Variants in TGFBR2 observed in about 807,000 individuals in gnomAD.
The protein encoded by TGFBR2 is transforming growth factor beta receptor 2.
TGFBR2 carries 18 observed loss-of-function variants against 49.0 expected under a neutral mutation model. The ratio of observed to expected loss-of-function variants is 0.37; its 90% confidence interval spans 0.25 to 0.54. TGFBR2 has a LOEUF of 0.54. Ranked by LOEUF, TGFBR2 falls within the 20% of genes least tolerant of loss-of-function variation. TGFBR2 has a pLI of 0.85. For synonymous variants in TGFBR2, 282 were observed against 275.9 expected (o/e 1.02, Z -0.22); for missense variants, 525 against 722.6 (o/e 0.73, Z 3.13).
intron 3 of TGFBR2, among the ~76,000 whole-genome samples, chr3:30,653,811 A>G (rs1443387699): frequency 2.0e-5 from 3 of 152,230 alleles, no homozygotes; most frequent in Non-Finnish European, 4.4e-5. Flanking sequence ...ATATTCAGAG[A>G]AAACATACTG....
chr3:30,608,582 C>T (rs1433811335), intron 1 of TGFBR2, among the ~76,000 whole-genome samples: 1 of 152,074 alleles, frequency 6.6e-6, no homozygotes, highest in East Asian at 1.9e-4. Context: ...AGAAAAAATG[C>T]GCATCACGGT....
Position 30,650,355 on chromosome 3 carries a change from G to T in TGFBR2, c.349G>T (p.Ala117Ser). The change falls in exon 3 of 7, where the codon GCT becomes TCT. Residue 117 changes from alanine (A) to serine (S), a missense_variant. Ala to Ser is a moderately conservative substitution (Grantham distance 99). Transcript: ENST00000295754. The stretch of plus-strand genomic sequence containing the variant: ...CCATGACTTTATTCTGGAAGATGCT[G>T]CTTCTCCAAAGTGCATTATGAAGGA... ...PYHDFILEDAASPKCIMKEKK... is the reference protein window; with the variant it reads ...PYHDFILEDASSPKCIMKEKK... 6.2e-7 allele frequency: 1 copy of T among 1,613,932 alleles called. No individual in the cohort carries two copies. Among genetic ancestry groups the T allele is most frequent in the South Asian group, 1.1e-5 (1 of 91,084 alleles).
In TGFBR2 at chr3:30,685,935, AATCCT is replaced by A. The variant is rs201483695; in HGVS notation, c.1397-2443_1397-2439del. Among the ~76,000 whole-genome samples the A allele has an allele frequency of 3.1e-3, 474 of 152,322 alleles. 6 individuals are homozygous for A. Among genetic ancestry groups the A allele is most frequent in the Admixed American group, 0.025 (382 of 15,304 alleles). On this transcript the variant is annotated intron_variant, in intron 5 of 6. Coordinates refer to ENST00000295754, the MANE Select transcript of TGFBR2 (RefSeq NM_003242.6). ...TAAGGAACAATTTATATCATATACA[AATCCT>A]ATCCTTTACTATTATATGGTAGTAC...
chr3:30,674,659 A>G (rs1214953372), intron 5 of TGFBR2, among the ~76,000 whole-genome samples: 1 of 152,166 alleles, frequency 6.6e-6, no homozygotes, highest in Non-Finnish European at 1.5e-5. Context: ...AAAAGATTTG[A>G]TTCAAAATTT....
intron 1 of TGFBR2, among the ~76,000 whole-genome samples, chr3:30,608,286 G>C (rs1349368878): frequency 6.6e-6 from 1 of 152,174 alleles, no homozygotes; most frequent in Non-Finnish European, 1.5e-5. Flanking sequence ...ATCTGCAGCT[G>C]TGGTCTGGGT....
chr3:30,625,337 T>G (rs1050139354), intron 1 of TGFBR2, among the ~76,000 whole-genome samples: 4 of 152,220 alleles, frequency 2.6e-5, no homozygotes, highest in African/African-American at 9.6e-5. Context: ...AAGGGAAGGC[T>G]ATCCACAACT....
rs1181407637 is a variant in TGFBR2 at position 30,630,668 on chromosome 3, C to T, written c.95-14079C>T. Among the ~76,000 whole-genome samples, 12 of 152,244 alleles carry T rather than the reference C, an allele frequency of 7.9e-5. No homozygotes were observed. The East Asian group carries it at 2.1e-3, about 27-fold the overall frequency. On this transcript the variant is annotated intron_variant, in intron 1 of 6. Transcript: ENST00000295754. ...CCAAAATTTATGTTGAAACTTAATC[C>T]CCATTGTGGTGGTATCAAGAGACGG...
chr3:30,616,470 C>T (rs997974973), intron 1 of TGFBR2, among the ~76,000 whole-genome samples: 9 of 152,190 alleles, frequency 5.9e-5, no homozygotes, highest in African/African-American at 1.9e-4. Context: ...TAGGAGACAG[C>T]TGGTAAAGAC....
At position 30,667,238 on chromosome 3, in the gene TGFBR2, GT is replaced by G. The variant is rs751247134; in HGVS notation, c.455-4397del. On this transcript the variant is annotated intron_variant, in intron 3 of 6. Coordinates refer to ENST00000295754, the MANE Select transcript of TGFBR2 (RefSeq NM_003242.6). The stretch of plus-strand genomic sequence containing the variant: ...AACTTAGTAAGTGTTCAGTTTATGA[GT>G]TTCTCTGTAACTGGCGGCTGATGAA... 4.6e-5 allele frequency among the ~76,000 whole-genome samples: 7 copies of G among 152,318 alleles called. No homozygotes were observed. The South Asian group carries it at 6.2e-4, about 14-fold the overall frequency.
At chr3:30,661,270 A>G (rs1699122499) in intron 3 of TGFBR2, among the ~76,000 whole-genome samples, 1 of 150,584 alleles carries the variant, frequency 6.6e-6, no homozygotes, top group Non-Finnish European at 1.5e-5. Flanking sequence ...ATCTTGTTCC[A>G]AAGAACATAT....
intron 3 of TGFBR2, among the ~76,000 whole-genome samples, chr3:30,662,306 A>T (rs2372093): frequency 0.2 from 29,823 of 152,106 alleles, 3,118 homozygotes; most frequent in East Asian, 0.36. Context: ...CAGAGGTTTC[A>T]CCTCTACCTC....
chr3:30,649,927 C>CT lies in TGFBR2; in HGVS notation c.264-336dup, dbSNP rs532852915. 2.9e-3 allele frequency among the ~76,000 whole-genome samples: 446 copies of CT among 152,220 alleles called. 3 individuals are homozygous for CT. The highest frequency in any genetic ancestry group is 0.01 in the African/African-American group (429 of 41,530). On this transcript the variant is annotated intron_variant, in intron 2 of 6. Transcript: ENST00000295754. ...ATTATCCTGAGTACCTAGGAATGTT[C>CT]TTTTTTTCCATGTCTTCCCCTTTAA... is the stretch of plus-strand genomic sequence containing the variant.
Position 30,676,462 on chromosome 3 carries a change from A to G in TGFBR2, c.1396+2216A>G, listed in dbSNP as rs774116119. Among the ~76,000 whole-genome samples, 8 of 152,262 alleles carry G rather than the reference A, an allele frequency of 5.3e-5. No individual in the cohort carries two copies. In the South Asian group the frequency reaches 8.3e-4, roughly 16 times the overall value. On this transcript the variant is annotated intron_variant, in intron 5 of 6. Transcript: ENST00000295754. The surrounding 1 kb of genome is among the most constrained non-coding windows in gnomAD (Gnocchi z 4.3). ...ATTAATATGCATTCTCCTTTAAAAA[A>G]GATCTGTCTCTTCTGACACCATCCC...
chr3:30,613,081 G>A (rs1029217410), intron 1 of TGFBR2, among the ~76,000 whole-genome samples: 2 of 150,792 alleles, frequency 1.3e-5, no homozygotes, highest in African/African-American at 4.9e-5. Context: ...TTCAGGGCCC[G>A]TACCTATGAC....
chr3:30,649,471 C>T (rs1698840724), intron 2 of TGFBR2, among the ~76,000 whole-genome samples: 1 of 152,128 alleles, frequency 6.6e-6, no homozygotes, highest in Admixed American at 6.6e-5. Context: ...ATTCTCTGAG[C>T]CCTGGGCTAA....
At chr3:30,629,008 C>T (rs1698388857) in intron 1 of TGFBR2, among the ~76,000 whole-genome samples, 1 of 152,142 alleles carries the variant, frequency 6.6e-6, no homozygotes, top group Non-Finnish European at 1.5e-5. Context: ...GGGCCCTTTC[C>T]AATGCGATTA....
Position 30,671,803 on chromosome 3 carries a change from G to A in TGFBR2, c.620G>A (p.Arg207Gln), listed in dbSNP as rs371209879. The A allele has an allele frequency of 6.0e-5, 97 of 1,614,070 alleles. No individual in the cohort carries two copies. The highest frequency in any genetic ancestry group is 8.0e-5 in the Non-Finnish European group (94 of 1,180,048). ...LSSTWETGKT[R>Q]KLMEFSEHCA... ...TCAACCTGGGAAACCGGCAAGACGC[G>A]GAAGCTCATGGAGTTCAGCGAGCAC... Residue 207 changes from arginine (R) to glutamine (Q), a missense_variant, in exon 4 of 7, where the codon CGG (arginine) becomes CAG (glutamine). Physicochemically the swap from Arg to Gln is conservative, Grantham distance 43 (BLOSUM62 1). This residue lies in a region of TGFBR2 where 376 missense variants were observed against 478.2 expected (regional missense o/e 0.79). Transcript: ENST00000295754.
At chr3:30,612,779 G>A (rs921691715) in intron 1 of TGFBR2, among the ~76,000 whole-genome samples, 6 of 152,086 alleles carry the variant, frequency 3.9e-5, no homozygotes, top group African/African-American at 1.2e-4. Flanking sequence ...AAGAAGAGCC[G>A]ACTTTATCCA....
chr3:30,688,856 T>G (rs1458067480), intron 6 of TGFBR2, among the ~76,000 whole-genome samples: 2 of 152,214 alleles, frequency 1.3e-5, no homozygotes. Context: ...CCCTCTGGAT[T>G]CCAAATGTTT....
Sources: allele counts gnomAD v4.1 joint callset (sites outside exome capture counted in the v4.1 genomes callset), GRCh38; gene constraint gnomAD v4.1.1; regional missense constraint gnomAD v4.1.1; non-coding constraint Gnocchi (gnomAD v3.1); transcripts MANE v1.5; gene names NCBI Gene and HGNC (gene_info 2026-07-23, HGNC 2026-07-21).